The following CATSPERE variants were observed in gnomAD, a reference collection of about 807,000 sequenced individuals.
CATSPERE encodes catsper channel auxiliary subunit epsilon, also known as cation channel sperm-associated auxiliary subunit epsilon.
Under a neutral mutation model 114.1 loss-of-function variants are expected in CATSPERE, and 93 were observed. The ratio of observed to expected loss-of-function variants is 0.81; its 90% CI spans 0.69 to 0.97. The LOEUF (loss-of-function observed/expected upper bound fraction) is 0.97, where lower values mean the gene tolerates loss of function less well. CATSPERE is among the 50% of genes least tolerant of loss of function. The pLI is 0.00. For missense variants in CATSPERE, 1,058 were observed against 1,131.6 expected, an observed-to-expected ratio of 0.93 and a Z score of 0.93; for synonymous variants, 341 against 384.1, an observed-to-expected ratio of 0.89 and a Z score of 1.31.
Position 244,593,481 on chromosome 1 carries a change from G to C in CATSPERE, c.2224-18G>C, listed in dbSNP as rs1378660226. ...GGACCAAATATATAAAATCACTAAAGTAGTTTTCCTTTTCTAGAGAGTAAG... is the reference window on the plus strand; with the variant it reads ...GGACCAAATATATAAAATCACTAAACTAGTTTTCCTTTTCTAGAGAGTAAG... On this transcript the variant is annotated intron_variant, in intron 16 of 21. Transcript: ENST00000366534. The C allele has an allele frequency of 2.5e-6, 4 of 1,613,308 alleles. No individual in the cohort carries two copies. Among genetic ancestry groups the C allele is most frequent in the Non-Finnish European group, 2.5e-6 (3 of 1,179,590 alleles).
chr1:244,594,345 A>G lies in CATSPERE; in HGVS notation c.2303+767A>G, dbSNP rs562221384. Among the ~76,000 whole-genome samples the G allele has an allele frequency of 2.0e-5, 3 of 152,352 alleles. No homozygotes were observed. In the South Asian group the frequency reaches 6.2e-4, roughly 32 times the overall value. On this transcript the variant is annotated intron_variant, in intron 17 of 21. Transcript: ENST00000366534. Reference sequence around the variant, plus strand: ...AAAAAACAAAAACGAATAATATTTCATAATAAAAATATGAATGAAATGCTA... The same window carrying G: ...AAAAAACAAAAACGAATAATATTTCGTAATAAAAATATGAATGAAATGCTA...
chr1:244,483,084 A>C (rs562974601), intron 5 of CATSPERE, among the ~76,000 whole-genome samples: 1 of 152,154 alleles, frequency 6.6e-6, no homozygotes, highest in Admixed American at 6.5e-5. Context: ...TGATGCATTT[A>C]TTTGCAACTA....
At chr1:244,585,142 G>A (rs1040674290) in intron 13 of CATSPERE, among the ~76,000 whole-genome samples, 1 of 152,094 alleles carries the variant, frequency 6.6e-6, no homozygotes, top group Non-Finnish European at 1.5e-5. Flanking sequence ...TCTAACCTGA[G>A]TTCAGATCCA....
intron 11 of CATSPERE, among the ~76,000 whole-genome samples, chr1:244,580,676 TA>T (rs1558534573): frequency 6.6e-6 from 1 of 152,158 alleles, no homozygotes; most frequent in Non-Finnish European, 1.5e-5. Context: ...TTTTCCAGGT[TA>T]AACATTAGTC....
intron 17 of CATSPERE, among the ~76,000 whole-genome samples, chr1:244,603,964 G>A (rs1389024038): frequency 6.6e-6 from 1 of 152,152 alleles, no homozygotes; most frequent in Non-Finnish European, 1.5e-5. Flanking sequence ...CTGCACTCCA[G>A]CCTCTGCAAC....
intron 11 of CATSPERE, among the ~76,000 whole-genome samples, chr1:244,581,153 C>T (rs923444204): frequency 2.6e-5 from 4 of 152,130 alleles, no homozygotes; most frequent in Non-Finnish European, 2.9e-5. Context: ...TACACACATC[C>T]ATCCATAAAC....
At chr1:244,451,397 C>A (rs1279677366), upstream of CATSPERE, among the ~76,000 whole-genome samples, 1 of 152,220 alleles carries the variant, frequency 6.6e-6, no homozygotes, top group African/African-American at 2.4e-5. The surrounding 1 kb of genome is among the most constrained non-coding windows in gnomAD (Gnocchi z 6.6). Flanking sequence ...AGGCTCCCCG[C>A]CAGCCCACCT....
At chr1:244,610,589 T>G (rs12074539) in intron 19 of CATSPERE, 10,233 of 526,994 alleles carry the variant, frequency 0.019, 812 homozygotes, top group African/African-American at 0.18. Context: ...GTTAAACATG[T>G]GAAAGCATCA....
At chr1:244,502,194 CTT>C (rs1209364250) in intron 7 of CATSPERE, among the ~76,000 whole-genome samples, 1 of 152,032 alleles carries the variant, frequency 6.6e-6, no homozygotes, top group Non-Finnish European at 1.5e-5. Flanking sequence ...TTTAGAAATG[CTT>C]TGTTTTACAA....
intron 8 of CATSPERE, among the ~76,000 whole-genome samples, chr1:244,551,873 G>A (rs1444539296): frequency 2.0e-5 from 3 of 151,766 alleles, no homozygotes; most frequent in African/African-American, 7.3e-5. Flanking sequence ...GACCATCCTG[G>A]CTAACACGGT....
chr1:244,466,070 TCA>T (rs1389040729), intron 2 of CATSPERE, among the ~76,000 whole-genome samples: 2 of 152,220 alleles, frequency 1.3e-5, no homozygotes, highest in Non-Finnish European at 2.9e-5. Flanking sequence ...AAATGCCTTT[TCA>T]CAGTCTACAG....
At chr1:244,468,782 G>A (rs1319819043) in intron 2 of CATSPERE, among the ~76,000 whole-genome samples, 1 of 152,144 alleles carries the variant, frequency 6.6e-6, no homozygotes, top group Non-Finnish European at 1.5e-5. Flanking sequence ...TTAGGGCATG[G>A]TGGTGCATGC....
chr1:244,572,922 A>T (rs1664679833), intron 11 of CATSPERE, 150 bp downstream of exon 11: 1 of 605,248 alleles, frequency 1.7e-6, no homozygotes, highest in Non-Finnish European at 2.6e-6. Flanking sequence ...ACAATAAGCC[A>T]TTCATTCCCA....
chr1:244,533,574 C>A (rs911529779), intron 8 of CATSPERE, among the ~76,000 whole-genome samples: 7 of 151,902 alleles, frequency 4.6e-5, no homozygotes, highest in African/African-American at 1.7e-4. Context: ...ATAATTATAG[C>A]CCATTATTTT....
intron 13 of CATSPERE, among the ~76,000 whole-genome samples, chr1:244,586,651 G>T (rs1053054139): frequency 1.3e-5 from 2 of 152,144 alleles, no homozygotes; most frequent in African/African-American, 4.8e-5. Context: ...AAACTTGGCT[G>T]GACATCGTCC....
intron 7 of CATSPERE, among the ~76,000 whole-genome samples, chr1:244,499,287 T>C (rs1218244910): frequency 6.6e-6 from 1 of 152,230 alleles, no homozygotes; most frequent in East Asian, 1.9e-4. Flanking sequence ...TTTAGAACTC[T>C]AATTGAACAT....
intron 19 of CATSPERE, among the ~76,000 whole-genome samples, chr1:244,616,081 A>G (rs1671358086): frequency 6.6e-6 from 1 of 152,048 alleles, no homozygotes; most frequent in South Asian, 2.1e-4. Flanking sequence ...GTGAGCTGTG[A>G]TCATGCCACT....
intron 20 of CATSPERE, among the ~76,000 whole-genome samples, chr1:244,631,142 A>G (rs1409429802): frequency 6.6e-6 from 1 of 152,168 alleles, no homozygotes; most frequent in African/African-American, 2.4e-5. Context: ...GAACTGGGTT[A>G]TGCTTGCAAC....
At chr1:244,489,676 C>A (rs1208641931) in intron 5 of CATSPERE, among the ~76,000 whole-genome samples, 4 of 151,804 alleles carry the variant, frequency 2.6e-5, no homozygotes, top group South Asian at 2.1e-4. Context: ...ATAATGAACC[C>A]TCTGGAGGCC....
Sources: gnomAD v4.1 joint callset for allele counts (sites outside exome capture counted in the v4.1 genomes callset) on GRCh38, gnomAD v4.1.1 for gene constraint, Gnocchi (gnomAD v3.1) non-coding constraint, MANE v1.5 for transcripts, NCBI Gene and HGNC (gene_info 2026-07-23, HGNC 2026-07-21) for gene names.